Variants in JPH3 observed in about 807,000 individuals in gnomAD.
The protein encoded by JPH3 is junctophilin-3.
JPH3 carries 11 observed loss-of-function variants against 59.6 expected under a neutral mutation model. The observed-to-expected ratio is 0.18, with a 90% CI of 0.12 to 0.31. The LOEUF (loss-of-function observed/expected upper bound fraction) is 0.31. Among genes scored for constraint, JPH3 ranks in the 10% least tolerant of loss-of-function variants. The probability of loss-of-function intolerance (pLI) is 1.00; values close to 1 mark genes in which losing one functional copy is unlikely to be tolerated. For missense variants in JPH3, 1,202 were observed against 1,105.7 expected, an observed-to-expected ratio of 1.09 and a Z score of -1.24; for synonymous variants, 673 against 483.6, an observed-to-expected ratio of 1.39 and a Z score of -5.14.
intron 1 of JPH3, among the ~76,000 whole-genome samples, chr16:87,617,874 G>A (rs1056766078): frequency 1.9e-4 from 29 of 152,188 alleles, no homozygotes; most frequent in African/African-American, 6.7e-4. Context: ...AATAGTGCGA[G>A]GGGAGTGGCT....
At chr16:87,667,388 C>T (rs1356185466) in intron 2 of JPH3, among the ~76,000 whole-genome samples, 1 of 152,254 alleles carries the variant, frequency 6.6e-6, no homozygotes, top group Non-Finnish European at 1.5e-5. Context: ...TTGCCAAGCA[C>T]AGGCAGTGGA....
At chr16:87,632,703 G>T (rs1221188492) in intron 1 of JPH3, among the ~76,000 whole-genome samples, 1 of 152,178 alleles carries the variant, frequency 6.6e-6, no homozygotes, top group Non-Finnish European at 1.5e-5. Flanking sequence ...CACCAGCCTA[G>T]CCAACATGGT....
At chr16:87,677,137 C>T (rs947397566) in intron 2 of JPH3, among the ~76,000 whole-genome samples, 4 of 146,974 alleles carry the variant, frequency 2.7e-5, no homozygotes, top group African/African-American at 5.1e-5. Context: ...CCAGCCTAGG[C>T]GACAGAGTGG....
At chr16:87,636,286 C>A (rs969570719) in intron 1 of JPH3, among the ~76,000 whole-genome samples, 1 of 152,242 alleles carries the variant, frequency 6.6e-6, no homozygotes, top group East Asian at 1.9e-4. Context: ...AGCTCAGTTG[C>A]CCTCAGCCGC....
chr16:87,655,474 C>G (rs988352248), intron 2 of JPH3, among the ~76,000 whole-genome samples: 1 of 152,192 alleles, frequency 6.6e-6, no homozygotes, highest in Non-Finnish European at 1.5e-5. Flanking sequence ...CCACCTCAGC[C>G]TCCTGAGTAG....
chr16:87,623,727 C>T (rs1357367474), intron 1 of JPH3, among the ~76,000 whole-genome samples: 3 of 152,146 alleles, frequency 2.0e-5, no homozygotes, highest in East Asian at 1.9e-4. Context: ...GGTCCTGGCC[C>T]GAACACTCCC....
intron 1 of JPH3, among the ~76,000 whole-genome samples, chr16:87,634,210 G>A (rs930640205): frequency 1.3e-5 from 2 of 152,172 alleles, no homozygotes; most frequent in African/African-American, 4.8e-5. Context: ...TTGGACCTGT[G>A]CCCAGGGTCT....
chr16:87,646,117 G>C (rs1309682932), intron 2 of JPH3, among the ~76,000 whole-genome samples: 1 of 152,204 alleles, frequency 6.6e-6, no homozygotes, highest in African/African-American at 2.4e-5. Flanking sequence ...TTTCTGGATG[G>C]CTTTGTGTTC....
Position 87,638,285 on chromosome 16 carries a change from C to G in JPH3, c.383-5973C>G, listed in dbSNP as rs116047393. On this transcript the variant is annotated intron_variant, in intron 1 of 4. Transcript: ENST00000284262. ...ATGTTGCCCAGGCTGGCTTTGAACT[C>G]CTGGCCTCAAATGATTCTCCTGTCT... is the stretch of plus-strand genomic sequence containing the variant. Among the ~76,000 whole-genome samples, 996 of 152,248 alleles carry G rather than the reference C, an allele frequency of 6.5e-3. 10 individuals are homozygous for G. The highest frequency in any genetic ancestry group is 0.023 in the African/African-American group (949 of 41,526).
Position 87,603,518 on chromosome 16 carries a change from C to A in JPH3, c.372C>A (p.Tyr124Ter). The change falls in exon 1 of 5, where the codon TAC becomes TAA. Residue 124 changes from tyrosine (Y) to a stop codon, truncating the protein, a stop_gained. Coordinates refer to ENST00000284262, the MANE Select transcript of JPH3 (RefSeq NM_020655.4). LOFTEE classifies it high-confidence loss of function. The stretch of plus-strand genomic sequence containing the variant: ...AGGACGGCTACGGGACCGAGACCTA[C>A]TCGGACGGAGGTAGGTGCCGCGGGC... ...GLQDGYGTET[Y>*]SDGGTYQGQW... 1 of 1,549,190 alleles carries A rather than the reference C, an allele frequency of 6.5e-7. No individual in the cohort carries two copies. The highest frequency in any genetic ancestry group is 8.7e-7 in the Non-Finnish European group (1 of 1,147,062).
chr16:87,697,139 T>TGGGCAGGAGGCATG lies in JPH3; in HGVS notation c.*487_*500dup, dbSNP rs749233002. The TGGGCAGGAGGCATG allele has an allele frequency of 2.5e-5, 5 of 199,254 alleles. No individual in the cohort carries two copies. The highest frequency in any genetic ancestry group is 3.1e-5 in the Non-Finnish European group (3 of 96,386). The allele number at this position is 199,254 out of a possible 1,614,324, so 12.3% of individuals were successfully genotyped here. ...GTCTAGAACAGACGGGTGACAAGTATGGGCAGGAGGCATGGGGCAGGGTGG... is the reference window on the plus strand; with the variant it reads ...GTCTAGAACAGACGGGTGACAAGTATGGGCAGGAGGCATGGGGCAGGAGGCATGGGGCAGGGTGG... On this transcript the variant is annotated 3_prime_UTR_variant, in exon 5 of 5. Coordinates refer to ENST00000284262, the MANE Select transcript of JPH3 (RefSeq NM_020655.4).
intron 2 of JPH3, among the ~76,000 whole-genome samples, chr16:87,677,105 G>A (rs2150870117): frequency 6.6e-6 from 1 of 151,366 alleles, no homozygotes; most frequent in East Asian, 1.9e-4. Flanking sequence ...CTTACAGTGA[G>A]CTGAGATCGT....
intron 2 of JPH3, among the ~76,000 whole-genome samples, chr16:87,665,012 T>A (rs1389536368): frequency 6.6e-6 from 1 of 152,192 alleles, no homozygotes; most frequent in Non-Finnish European, 1.5e-5. Flanking sequence ...CCACCATCTG[T>A]TTGCTCCCGT....
chr16:87,642,217 G>C (rs148529109), intron 1 of JPH3, among the ~76,000 whole-genome samples: 1 of 151,474 alleles, frequency 6.6e-6, no homozygotes, highest in Non-Finnish European at 1.5e-5. Context: ...GGTGTGGGGC[G>C]TGTGAGTGGA....
chr16:87,669,272 G>A (rs970645514), intron 2 of JPH3, among the ~76,000 whole-genome samples: 2 of 152,216 alleles, frequency 1.3e-5, no homozygotes, highest in Non-Finnish European at 2.9e-5. Flanking sequence ...ATGCTTGCCT[G>A]CTGGGTAGGA....
In JPH3 at chr16:87,602,627, A is replaced by C. The variant is rs1481726810; in HGVS notation, c.-520A>C. Reference sequence around the variant, plus strand: ...CCCCGCGCCCGGCCCGCGGCCCCCAATATGGTGCAGCCGCCAGCGCCGCCG... The same window carrying C: ...CCCCGCGCCCGGCCCGCGGCCCCCACTATGGTGCAGCCGCCAGCGCCGCCG... On this transcript the variant is annotated 5_prime_UTR_variant, in exon 1 of 5. Coordinates refer to ENST00000284262, the MANE Select transcript of JPH3 (RefSeq NM_020655.4). 3.3e-5 allele frequency among the ~76,000 whole-genome samples: 4 copies of C among 119,870 alleles called. No individual in the cohort carries two copies. Among genetic ancestry groups the C allele is most frequent in the Admixed American group, 7.8e-5 (1 of 12,790 alleles). The allele number at this position is 119,870 out of a possible 152,430, so 78.6% of individuals were successfully genotyped here. A position where few individuals can be genotyped will look rare whatever the true frequency, so the allele number is the denominator to read the frequency against.
chr16:87,664,677 G>A (rs915305365), intron 2 of JPH3, among the ~76,000 whole-genome samples: 2 of 152,218 alleles, frequency 1.3e-5, no homozygotes, highest in East Asian at 3.8e-4. Context: ...GCTGGGGCCA[G>A]GGTGGAACAG....
In JPH3 at chr16:87,690,221, A is replaced by C. The variant is rs769969398; in HGVS notation, c.1861A>C (p.Met621Leu). Residue 621 changes from methionine to leucine, a missense_variant, in exon 4 of 5, where the codon ATG becomes CTG. Met to Leu is a conservative substitution (Grantham distance 15). Transcript: ENST00000284262. ...GATGGAGATGAAACCCTTGCTGAGG[A>C]TGGAGACGCATCCCCAGAAAAGACG... Reference protein sequence around the residue: ...YRMEMKPLLRMETHPQKRRYS... With the variant: ...YRMEMKPLLRLETHPQKRRYS... 1.7e-5 allele frequency: 27 copies of C among 1,604,334 alleles called. No individual in the cohort carries two copies. The South Asian group carries it at 2.8e-4, about 17-fold the overall frequency.
chr16:87,684,515 C>A (rs551296847), intron 3 of JPH3: 29 of 504,702 alleles, frequency 5.7e-5, no homozygotes, highest in African/African-American at 4.8e-4. Context: ...TGGGGCACCG[C>A]GTGTTGCTTG....
Sources: gnomAD v4.1 joint callset for allele counts (sites outside exome capture counted in the v4.1 genomes callset) on GRCh38, gnomAD v4.1.1 for gene constraint, MANE v1.5 for transcripts, NCBI Gene and HGNC (gene_info 2026-07-23, HGNC 2026-07-21) for gene names.